STXBP6: variants seen among roughly 807,000 people sequenced by gnomAD.
STXBP6 encodes the protein syntaxin binding protein 6, also known as syntaxin-binding protein 6.
STXBP6 carries 21 observed loss-of-function variants against 26.9 expected under a neutral mutation model. The observed-to-expected ratio is 0.78, with a 90% CI of 0.55 to 1.12. The LOEUF (loss-of-function observed/expected upper bound fraction) is 1.12. Ranked by LOEUF, STXBP6 falls within the 50% of genes most tolerant of loss-of-function variation. The probability of loss-of-function intolerance (pLI) is 0.00; values close to 1 mark genes in which losing one functional copy is unlikely to be tolerated. For synonymous variants in STXBP6, 97 were observed against 92.6 expected (o/e 1.05, Z -0.27); for missense variants, 232 against 257.9 (o/e 0.90, Z 0.69).
chr14:24,937,542 G>C (rs561917019), intron 2 of STXBP6, among the ~76,000 whole-genome samples: 102 of 152,296 alleles, frequency 6.7e-4, no homozygotes, highest in Admixed American at 3.2e-3. Flanking sequence ...ATTATGTGAT[G>C]ACTGCCACCT....
intron 1 of STXBP6, among the ~76,000 whole-genome samples, chr14:24,992,140 C>T (rs1311396910): frequency 6.6e-6 from 1 of 152,202 alleles, no homozygotes; most frequent in East Asian, 1.9e-4. Flanking sequence ...TAGGAAATAG[C>T]TCCATATTAT....
At chr14:24,855,591 T>C (rs2069300240) in intron 4 of STXBP6, among the ~76,000 whole-genome samples, 1 of 152,110 alleles carries the variant, frequency 6.6e-6, no homozygotes. Context: ...AATGGTGTTC[T>C]GCAATGAAAT....
Position 24,857,262 on chromosome 14 carries a change from C to T in STXBP6, c.155-105G>A. 4 of 1,447,728 alleles carry T rather than the reference C, an allele frequency of 2.8e-6. No homozygotes were observed. The South Asian group carries it at 5.2e-5, about 19-fold the overall frequency. The allele number at this position is 1,447,728 out of a possible 1,614,324, so 89.7% of individuals were successfully genotyped here. ...CACCTACTGTGTATATGCACAATAA[C>T]AGAGAGAAGGCAGAGGGGGAAAGGA... On this transcript the variant is annotated intron_variant, in intron 2 of 5. Transcript: ENST00000323944.
At chr14:24,983,068 C>T (rs1010963596) in intron 1 of STXBP6, among the ~76,000 whole-genome samples, 2 of 152,158 alleles carry the variant, frequency 1.3e-5, no homozygotes, top group Non-Finnish European at 2.9e-5. Context: ...ATCCATGTAC[C>T]CTTTCTACAG....
chr14:25,006,773 G>A (rs1190566280), intron 1 of STXBP6, among the ~76,000 whole-genome samples: 1 of 152,000 alleles, frequency 6.6e-6, no homozygotes, highest in Non-Finnish European at 1.5e-5. Flanking sequence ...TACTGACCAA[G>A]GAACATCAAT....
chr14:24,974,595 T>C, intron 2 of STXBP6, 70 bp downstream of exon 2: 1 of 1,389,142 alleles, frequency 7.2e-7, no homozygotes, highest in Admixed American at 2.3e-5. Context: ...GTAAACCTCC[T>C]GGATACCTCA....
At chr14:24,888,983 C>T (rs1029081881) in intron 2 of STXBP6, among the ~76,000 whole-genome samples, 6 of 152,010 alleles carry the variant, frequency 3.9e-5, no homozygotes, top group African/African-American at 1.5e-4. Flanking sequence ...CCAGACCATA[C>T]TTTTTACAGG....
At chr14:24,993,185 T>C (rs2140296003) in intron 1 of STXBP6, among the ~76,000 whole-genome samples, 1 of 152,248 alleles carries the variant, frequency 6.6e-6, no homozygotes, top group Non-Finnish European at 1.5e-5. Context: ...ATGTTCAGAA[T>C]GAATTTCCAC....
At chr14:24,818,924 G>A (rs915518323) in intron 5 of STXBP6, 113 bp downstream of exon 5, 3 of 1,380,496 alleles carry the variant, frequency 2.2e-6, no homozygotes, top group African/African-American at 1.5e-5. Context: ...ACATAAAGGG[G>A]AAATAGCTTA....
intron 1 of STXBP6, among the ~76,000 whole-genome samples, chr14:24,976,169 T>C (rs1216148632): frequency 1.3e-5 from 2 of 152,216 alleles, no homozygotes; most frequent in East Asian, 1.9e-4. Context: ...GACTGCTAAC[T>C]ACATCAGAGG....
chr14:24,814,372 A>C (rs896214847), intron 5 of STXBP6, among the ~76,000 whole-genome samples: 1 of 152,240 alleles, frequency 6.6e-6, no homozygotes, highest in African/African-American at 2.4e-5. Flanking sequence ...ATGGACCATC[A>C]CATCAACACA....
intron 1 of STXBP6, among the ~76,000 whole-genome samples, chr14:25,046,460 T>A (rs1457079551): frequency 6.6e-6 from 1 of 152,220 alleles, no homozygotes; most frequent in African/African-American, 2.4e-5. Flanking sequence ...GATAGGTTTC[T>A]CTAGTGCTAA....
chr14:24,979,294 C>T (rs1355811683), intron 1 of STXBP6, among the ~76,000 whole-genome samples: 3 of 152,102 alleles, frequency 2.0e-5, no homozygotes, highest in Admixed American at 2.0e-4. Context: ...AATGAGTAAC[C>T]AAGAATTTTA....
chr14:24,901,134 T>C (rs770482809), intron 2 of STXBP6, among the ~76,000 whole-genome samples: 65 of 129,638 alleles, frequency 5.0e-4, no homozygotes, highest in Non-Finnish European at 9.3e-4. Context: ...ATTTGAACCG[T>C]ATAGACAGGA....
At chr14:24,859,975 T>C (rs1226300080) in intron 2 of STXBP6, among the ~76,000 whole-genome samples, 1 of 152,216 alleles carries the variant, frequency 6.6e-6, no homozygotes, top group Admixed American at 6.5e-5. Flanking sequence ...ATGGTTTTCA[T>C]GGCTTCATGC....
At chr14:24,998,106 G>A (rs1382560755) in intron 1 of STXBP6, among the ~76,000 whole-genome samples, 2 of 152,042 alleles carry the variant, frequency 1.3e-5, no homozygotes, top group Non-Finnish European at 2.9e-5. Context: ...CTTCCAAAAT[G>A]TACTAATTTT....
chr14:25,035,608 T>C (rs908981002), intron 1 of STXBP6, among the ~76,000 whole-genome samples: 4 of 152,212 alleles, frequency 2.6e-5, no homozygotes, highest in Non-Finnish European at 4.4e-5. Context: ...TGGAATTCTT[T>C]ACAGGAATTA....
chr14:24,839,533 G>T (rs1010185621), intron 4 of STXBP6, among the ~76,000 whole-genome samples: 2 of 152,070 alleles, frequency 1.3e-5, no homozygotes, highest in Non-Finnish European at 2.9e-5. Flanking sequence ...AGTCAAATTT[G>T]ATTCTGTGTT....
At chr14:24,873,653 T>G (rs769983575) in intron 2 of STXBP6, among the ~76,000 whole-genome samples, 1 of 152,226 alleles carries the variant, frequency 6.6e-6, no homozygotes, top group Non-Finnish European at 1.5e-5. Context: ...GAAAGGTCAG[T>G]GCCTTCTGCG....
Sources: allele counts gnomAD v4.1 joint callset (sites outside exome capture counted in the v4.1 genomes callset), GRCh38; gene constraint gnomAD v4.1.1; transcripts MANE v1.5; gene names NCBI Gene and HGNC (gene_info 2026-07-23, HGNC 2026-07-21).